The following FGF13 variants were observed in gnomAD, a reference collection of about 807,000 sequenced individuals.
The protein encoded by FGF13 is fibroblast growth factor 13.
Under a neutral mutation model 19.5 loss-of-function variants are expected in FGF13, and 2 were observed. The observed-to-expected ratio is 0.10, with a 90% CI of 0.04 to 0.32. The LOEUF is 0.32. Ranked by LOEUF, FGF13 falls within the 10% of genes least tolerant of loss-of-function variation. The pLI is 1.00. For synonymous variants in FGF13, 72 were observed against 76.9 expected, an observed-to-expected ratio of 0.94 and a Z score of 0.33; for missense variants, 113 against 192.7, an observed-to-expected ratio of 0.59 and a Z score of 2.45.
intron 1 of FGF13, among the ~76,000 whole-genome samples, chrX:138,867,351 C>T (rs776482927): frequency 9.0e-6 from 1 of 111,112 alleles, no homozygotes; most frequent in East Asian, 2.8e-4. Flanking sequence ...CCCACGAGTT[C>T]GAGGCTGCAG....
chrX:138,769,856 G>GA (rs2090532354), intron 3 of FGF13, among the ~76,000 whole-genome samples: 1 of 112,317 alleles, frequency 8.9e-6, no homozygotes, highest in Admixed American at 9.4e-5. Flanking sequence ...AGACGATAGA[G>GA]AAAAAATTGA....
At chrX:139,013,750 G>C (rs773303946) in intron 1 of FGF13, among the ~76,000 whole-genome samples, 1 of 107,937 alleles carries the variant, frequency 9.3e-6, no homozygotes, top group South Asian at 4.1e-4. Flanking sequence ...GGGTAGCAAG[G>C]GATAAAAGAC....
chrX:138,733,492 T>G (rs1456416723), intron 1 of FGF13, among the ~76,000 whole-genome samples: 1 of 111,427 alleles, frequency 9.0e-6, no homozygotes, highest in Non-Finnish European at 1.9e-5. Context: ...AATCAACCAA[T>G]GAACAAACCA....
chrX:138,640,788 C>T (rs753152455), intron 3 of FGF13, among the ~76,000 whole-genome samples: 1 of 111,806 alleles, frequency 8.9e-6, no homozygotes, highest in South Asian at 3.8e-4. Flanking sequence ...GCCTTAATAA[C>T]AGGTTTTTCA....
intron 1 of FGF13, among the ~76,000 whole-genome samples, chrX:139,182,881 C>T (rs1474002363): frequency 9.0e-6 from 1 of 111,390 alleles, no homozygotes; most frequent in Non-Finnish European, 1.9e-5. Flanking sequence ...TTTTATACTC[C>T]AACAAGCTTA....
At chrX:138,798,394 G>A (rs1189959084) in intron 3 of FGF13, among the ~76,000 whole-genome samples, 3 of 111,942 alleles carry the variant, frequency 2.7e-5, no homozygotes, top group Non-Finnish European at 5.6e-5. Flanking sequence ...AACCTGCCTC[G>A]CATCCCAGGG....
At chrX:139,054,879 GTTGTGTTGTGTTGTGTTGTGTTGTA>G (rs1334891993) in intron 1 of FGF13, among the ~76,000 whole-genome samples, 1 of 95,374 alleles carries the variant, frequency 1.0e-5, no homozygotes, top group Admixed American at 1.2e-4. Flanking sequence ...GTTGTGTTGT[GTTGTGTTGTGTTGTGTTGTGTTGTA>G]TTGTATTGTA....
rs2089039776 is a variant in FGF13, at chrX:138,624,429, T to G, written c.*8421A>C. The G allele has an allele frequency of 8.9e-6, 1 of 112,047 alleles. No individual in the cohort carries two copies. The highest frequency in any genetic ancestry group is 3.7e-4 in the South Asian group (1 of 2,699). The allele number at this position is 112,047 out of a possible 1,213,427, so 9.2% of individuals were successfully genotyped here. A position where few individuals can be genotyped will look rare whatever the true frequency, so the allele number is the denominator to read the frequency against. On this transcript the variant is annotated 3_prime_UTR_variant, in exon 5 of 5. Coordinates refer to ENST00000315930, the MANE Select transcript of FGF13 (RefSeq NM_004114.5). Reference sequence around the variant, plus strand: ...ACCATACACAAAAATCAACTCAAAATCGATTAAAAACTTAAACATAAGACC... The same window carrying G: ...ACCATACACAAAAATCAACTCAAAAGCGATTAAAAACTTAAACATAAGACC...
chrX:138,989,528 G>A (rs935374502), intron 1 of FGF13, among the ~76,000 whole-genome samples: 4 of 111,750 alleles, frequency 3.6e-5, no homozygotes, highest in Non-Finnish European at 5.6e-5. Context: ...GATATCTAGA[G>A]TAGGCAGATT....
At chrX:139,002,803 G>GA (rs1336681894) in intron 1 of FGF13, among the ~76,000 whole-genome samples, 1 of 111,524 alleles carries the variant, frequency 9.0e-6, no homozygotes, top group Non-Finnish European at 1.9e-5. Flanking sequence ...GCCTTGAAGT[G>GA]AAAAACCCAG....
chrX:139,142,008 G>A (rs981602417), intron 1 of FGF13, among the ~76,000 whole-genome samples: 2 of 111,658 alleles, frequency 1.8e-5, no homozygotes, highest in African/African-American at 6.5e-5. Flanking sequence ...TTGGAGCTCA[G>A]GCAGACTGAA....
intron 1 of FGF13, among the ~76,000 whole-genome samples, chrX:138,917,429 A>G (rs137919668): frequency 7.1e-4 from 80 of 111,904 alleles, no homozygotes; most frequent in African/African-American, 2.4e-3. Context: ...AGAACTCAAC[A>G]ATTCTGGCAC....
At chrX:139,162,498 G>A (rs1299720560) in intron 1 of FGF13, among the ~76,000 whole-genome samples, 2 of 112,006 alleles carry the variant, frequency 1.8e-5, no homozygotes, top group Non-Finnish European at 3.8e-5. Context: ...TGTCACGACT[G>A]AAATACCAAA....
At chrX:138,914,636 CTTTTTTTTTT>C (rs34940979) in intron 1 of FGF13, among the ~76,000 whole-genome samples, 1 of 76,988 alleles carries the variant, frequency 1.3e-5, no homozygotes, top group Non-Finnish European at 2.4e-5. Context: ...TTGTGTTGGA[CTTTTTTTTTT>C]TTTTTTTTGC....
intron 1 of FGF13, among the ~76,000 whole-genome samples, chrX:138,951,211 C>G (rs1361311797): frequency 9.0e-6 from 1 of 111,363 alleles, no homozygotes; most frequent in Non-Finnish European, 1.9e-5. Context: ...AGTACTCCGC[C>G]TCCCATCAGC....
chrX:139,079,470 A>G (rs1043090917), intron 1 of FGF13, among the ~76,000 whole-genome samples: 4 of 111,435 alleles, frequency 3.6e-5, no homozygotes, highest in Non-Finnish European at 7.5e-5. Flanking sequence ...CAGAATATAT[A>G]TTATGAGCCC....
At chrX:138,674,729 G>A (rs181519514) in intron 3 of FGF13, among the ~76,000 whole-genome samples, 20 of 111,228 alleles carry the variant, frequency 1.8e-4, no homozygotes, top group African/African-American at 6.2e-4. Context: ...TGGGGCAGAG[G>A]GCAGAGGTTA....
chrX:138,792,499 T>C (rs2090749917), intron 3 of FGF13, among the ~76,000 whole-genome samples: 1 of 111,753 alleles, frequency 8.9e-6, no homozygotes, highest in South Asian at 3.8e-4. Context: ...GCATTCTGAG[T>C]CCTAGAGAGG....
At chrX:138,831,283 T>C (rs1391989601) in intron 3 of FGF13, among the ~76,000 whole-genome samples, 1 of 110,554 alleles carries the variant, frequency 9.0e-6, no homozygotes, top group Non-Finnish European at 1.9e-5. Context: ...ACTAGGGCAA[T>C]GACTAGAGGA....
Sources: allele counts gnomAD v4.1 joint callset (sites outside exome capture counted in the v4.1 genomes callset), GRCh38; gene constraint gnomAD v4.1.1; transcripts MANE v1.5; gene names NCBI Gene and HGNC (gene_info 2026-07-23, HGNC 2026-07-21).